LRP1B: variants seen among roughly 807,000 people sequenced by gnomAD.
LRP1B encodes low-density lipoprotein receptor-related protein 1B.
LRP1B carries 217 observed loss-of-function variants against 556.6 expected under a neutral mutation model. The observed-to-expected ratio is 0.39, with a 90% confidence interval of 0.35 to 0.44. The LOEUF (loss-of-function observed/expected upper bound fraction) is 0.44, where lower values mean the gene tolerates loss of function less well. Ranked by LOEUF, LRP1B falls within the 20% of genes least tolerant of loss-of-function variation. The pLI, the probability that LRP1B is intolerant of heterozygous loss-of-function variation, is 1.00. For synonymous variants in LRP1B, 2,047 were observed against 1,865.8 expected, an observed-to-expected ratio of 1.10 and a Z score of -2.50; for missense variants, 5,053 against 5,620.8, an observed-to-expected ratio of 0.90 and a Z score of 3.23.
chr2:140,293,224 A>G (rs1683463820), intron 84 of LRP1B, among the ~76,000 whole-genome samples: 1 of 152,138 alleles, frequency 6.6e-6, no homozygotes, highest in African/African-American at 2.4e-5. Flanking sequence ...GCCTAATGTT[A>G]TTATCATTTA....
At chr2:141,050,126 G>T (rs1410488137) in intron 10 of LRP1B, among the ~76,000 whole-genome samples, 2 of 151,690 alleles carry the variant, frequency 1.3e-5, no homozygotes, top group Non-Finnish European at 2.9e-5. Flanking sequence ...AAAAGACTCA[G>T]CTGTATTTGG....
chr2:140,982,372 T>A, intron 17 of LRP1B, 96 bp from the exon 18 acceptor site: 1 of 729,010 alleles, frequency 1.4e-6, no homozygotes, highest in Non-Finnish European at 2.4e-6. Context: ...ATACATAAGA[T>A]AGTATGTTTC....
At chr2:140,668,309 CAAAAAAAAAAAAAAAA>C (rs560180473) in intron 41 of LRP1B, among the ~76,000 whole-genome samples, 5 of 59,668 alleles carry the variant, frequency 8.4e-5, no homozygotes, top group African/African-American at 2.2e-4. Context: ...GACTCCGTCT[CAAAAAAAAAAAAAAAA>C]AAAAAAAAAA....
chr2:141,624,031 T>TAAAAAAAAAAAAAAAAAAAA (rs1559185670), intron 2 of LRP1B, among the ~76,000 whole-genome samples: 1 of 12,218 alleles, frequency 8.2e-5, no homozygotes, highest in African/African-American at 1.8e-4. Context: ...AAAAAAAAAA[T>TAAAAAAAAAAAAAAAAAAAA]TAAACAAAAA....
At chr2:140,362,627 G>A (rs1353996181) in intron 72 of LRP1B, among the ~76,000 whole-genome samples, 1 of 151,556 alleles carries the variant, frequency 6.6e-6, no homozygotes, top group African/African-American at 2.4e-5. Flanking sequence ...GCTCTGCCCA[G>A]AGCTTTCACA....
chr2:140,277,845 C>A (rs191234557), intron 84 of LRP1B, among the ~76,000 whole-genome samples: 1 of 151,852 alleles, frequency 6.6e-6, no homozygotes, highest in Non-Finnish European at 1.5e-5. Flanking sequence ...TTTCAGCATA[C>A]GCACACCTTA....
chr2:140,618,006 T>A (rs148961444), intron 41 of LRP1B, among the ~76,000 whole-genome samples: 27 of 152,164 alleles, frequency 1.8e-4, no homozygotes, highest in Middle Eastern at 3.4e-3. Flanking sequence ...AAAAGAAACA[T>A]TTCTTGTTTA....
rs531306667 is a variant in LRP1B at position 140,883,190 on chromosome 2, C to T, written c.4169+627G>A. 9.9e-5 allele frequency among the ~76,000 whole-genome samples: 15 copies of T among 152,224 alleles called. 2 individuals carry two copies. Among genetic ancestry groups the T allele is most frequent in the African/African-American group, 3.6e-4 (15 of 41,544 alleles). ...ATATGTTCTGGCTGGAAATCCAGTG[C>T]CTCTCTTCTGCTCCTTCACAACGGA... On this transcript the variant is annotated intron_variant, in intron 25 of 90. Transcript: ENST00000389484.
intron 1 of LRP1B, among the ~76,000 whole-genome samples, chr2:141,855,095 AGGT>A (rs1698004926): frequency 6.6e-6 from 1 of 152,058 alleles, no homozygotes. Flanking sequence ...GCTAGGAAGA[AGGT>A]GGAGGCTGAC....
Position 140,820,658 on chromosome 2 carries a change from T to C in LRP1B, c.5210-6852A>G, listed in dbSNP as rs557860794. Among the ~76,000 whole-genome samples the C allele has an allele frequency of 2.4e-4, 36 of 152,296 alleles. 1 individual carries two copies. Among genetic ancestry groups the C allele is most frequent in the African/African-American group, 8.4e-4 (35 of 41,576 alleles). On this transcript the variant is annotated intron_variant, in intron 31 of 90. Coordinates refer to ENST00000389484, the MANE Select transcript of LRP1B (RefSeq NM_018557.3). ...AGCTTTAATACCTATAGTTTTATAA[T>C]TTTCCAAAACTATATTTTATAGCTT...
At chr2:141,663,292 C>T (rs919231848) in intron 2 of LRP1B, among the ~76,000 whole-genome samples, 1 of 151,496 alleles carries the variant, frequency 6.6e-6, no homozygotes, top group African/African-American at 2.4e-5. Context: ...GAACCAAGAG[C>T]AAACAAGCCG....
chr2:141,082,942 C>A (rs924533352), intron 7 of LRP1B, among the ~76,000 whole-genome samples: 1 of 152,210 alleles, frequency 6.6e-6, no homozygotes, highest in African/African-American at 2.4e-5. Flanking sequence ...TCTCCCCAAC[C>A]ACCACCTTTG....
At chr2:141,022,264 T>A (rs1698086117) in intron 11 of LRP1B, among the ~76,000 whole-genome samples, 1 of 151,230 alleles carries the variant, frequency 6.6e-6, no homozygotes, top group South Asian at 2.1e-4. Flanking sequence ...GATTATTTTT[T>A]AAGGTTGTTT....
At chr2:140,263,712 C>T (rs1180144772) in intron 86 of LRP1B, among the ~76,000 whole-genome samples, 1 of 152,032 alleles carries the variant, frequency 6.6e-6, no homozygotes, top group East Asian at 1.9e-4. Flanking sequence ...CCTCTAGTTT[C>T]CAAAAACATG....
intron 1 of LRP1B, among the ~76,000 whole-genome samples, chr2:141,957,371 T>C (rs1701282371): frequency 1.5e-5 from 1 of 68,530 alleles, no homozygotes; most frequent in African/African-American, 6.1e-5. Context: ...GGATGGTTCG[T>C]GTTTGTGTGT....
chr2:141,126,424 C>T (rs540977817), intron 7 of LRP1B, among the ~76,000 whole-genome samples: 1 of 152,296 alleles, frequency 6.6e-6, no homozygotes, highest in Admixed American at 6.5e-5. Flanking sequence ...ATTGCAACTT[C>T]CAGATTATTT....
At chr2:140,467,137 G>C (rs1368640603) in intron 60 of LRP1B, among the ~76,000 whole-genome samples, 4 of 152,030 alleles carry the variant, frequency 2.6e-5, no homozygotes, top group Non-Finnish European at 5.9e-5. Context: ...TTTTTGAAAT[G>C]CATAAAATCA....
chr2:140,392,118 T>G (rs901411273), intron 66 of LRP1B, among the ~76,000 whole-genome samples: 9 of 152,128 alleles, frequency 5.9e-5, no homozygotes, highest in Admixed American at 5.2e-4. Context: ...CTAAAATCAC[T>G]AAGACAAGGG....
chr2:140,619,801 C>G (rs2105247431), intron 41 of LRP1B, among the ~76,000 whole-genome samples: 2 of 152,160 alleles, frequency 1.3e-5, no homozygotes, highest in East Asian at 3.9e-4. Context: ...TATCACTTTA[C>G]AGAAGCTTCA....
Sources: gnomAD v4.1 joint callset for allele counts (sites outside exome capture counted in the v4.1 genomes callset) on GRCh38, gnomAD v4.1.1 for gene constraint, MANE v1.5 for transcripts, NCBI Gene and HGNC (gene_info 2026-07-23, HGNC 2026-07-21) for gene names.